The following PPP2R2C variants were observed in gnomAD, a reference collection of about 807,000 sequenced individuals.
PPP2R2C encodes protein phosphatase 2 regulatory subunit Bgamma.
Under a neutral mutation model 45.3 loss-of-function variants are expected in PPP2R2C, and 10 were observed. That is an observed-to-expected ratio of 0.22 (90% CI 0.14 to 0.37). The LOEUF (loss-of-function observed/expected upper bound fraction) is 0.37, where lower values mean the gene tolerates loss of function less well. PPP2R2C is among the 10% of genes least tolerant of loss of function. The pLI, the probability that PPP2R2C is intolerant of heterozygous loss-of-function variation, is 1.00. For synonymous variants in PPP2R2C, 257 were observed against 245.4 expected (o/e 1.05, Z -0.44); for missense variants, 308 against 619.7 (o/e 0.50, Z 5.34).
intron 1 of PPP2R2C, among the ~76,000 whole-genome samples, chr4:6,466,794 T>C (rs1413610863): frequency 6.6e-6 from 1 of 152,176 alleles, no homozygotes; most frequent in Non-Finnish European, 1.5e-5. Context: ...AAAATTTTAT[T>C]AGAATTTGAT....
chr4:6,411,859 T>G (rs1277298802), intron 1 of PPP2R2C, among the ~76,000 whole-genome samples: 1 of 152,246 alleles, frequency 6.6e-6, no homozygotes, highest in African/African-American at 2.4e-5. Flanking sequence ...GCCTCCACCC[T>G]GACTTTTCTA....
intron 1 of PPP2R2C, chr4:6,381,540 C>T (rs1715797264): frequency 2.1e-6 from 3 of 1,402,864 alleles, no homozygotes; most frequent in Non-Finnish European, 2.8e-6. Context: ...GCAAGGCAAC[C>T]CTCTGCTAGG....
rs550331338 is a variant in PPP2R2C at position 6,561,330 on chromosome 4, A to T, written c.-59+2230T>A. Among the ~76,000 whole-genome samples the T allele has an allele frequency of 3.5e-3, 540 of 152,236 alleles. 5 individuals carry two copies. Among genetic ancestry groups the T allele is most frequent in the African/African-American group, 0.013 (522 of 41,528 alleles). On this transcript the variant is annotated intron_variant, in intron 1 of 9. Coordinates refer to the PPP2R2C transcript ENST00000506140. ...ACGATGTTACACAGGAAATAAAACCACCATGACAGGCGGAGAGAGAGTGCA... is the reference window on the plus strand; with the variant it reads ...ACGATGTTACACAGGAAATAAAACCTCCATGACAGGCGGAGAGAGAGTGCA...
At chr4:6,377,720 G>A (rs889003311) in intron 3 of PPP2R2C, among the ~76,000 whole-genome samples, 10 of 152,148 alleles carry the variant, frequency 6.6e-5, no homozygotes, top group African/African-American at 1.9e-4. Context: ...GCCTGGGTCC[G>A]CAGGGGGCCC....
At chr4:6,510,159 G>A (rs1028145697) in intron 2 of PPP2R2C, among the ~76,000 whole-genome samples, 2 of 152,102 alleles carry the variant, frequency 1.3e-5, no homozygotes, top group African/African-American at 4.8e-5. Context: ...CCACCCACCT[G>A]CTTCAAATCC....
At chr4:6,518,365 G>A (rs1026110916) in intron 2 of PPP2R2C, among the ~76,000 whole-genome samples, 12 of 152,048 alleles carry the variant, frequency 7.9e-5, no homozygotes, top group Non-Finnish European at 7.4e-5. Flanking sequence ...ATCAAAAACT[G>A]GTTCTTTGAA....
At chr4:6,534,021 AAC>A (rs1378135686) in intron 2 of PPP2R2C, among the ~76,000 whole-genome samples, 2 of 141,704 alleles carry the variant, frequency 1.4e-5, no homozygotes, top group Non-Finnish European at 1.6e-5. Context: ...CACACACCCC[AAC>A]ACACACATGT....
intron 1 of PPP2R2C, among the ~76,000 whole-genome samples, chr4:6,438,046 G>T (rs1719977878): frequency 6.6e-6 from 1 of 152,140 alleles, no homozygotes; most frequent in African/African-American, 2.4e-5. Context: ...TGGTTTCATG[G>T]GTCTTTGCCA....
chr4:6,485,755 C>G (rs73207871), intron 2 of PPP2R2C, among the ~76,000 whole-genome samples: 16,736 of 151,890 alleles, frequency 0.11, 1,024 homozygotes, highest in Non-Finnish European at 0.14. Flanking sequence ...TATCTTCTCT[C>G]TTATTGTCCT....
intron 1 of PPP2R2C, among the ~76,000 whole-genome samples, chr4:6,427,099 A>C (rs1415394683): frequency 6.6e-6 from 1 of 152,220 alleles, no homozygotes; most frequent in Non-Finnish European, 1.5e-5. Context: ...ATGTGTACCA[A>C]GGGGAGCAAG....
rs1712491299 is a variant in PPP2R2C, at chr4:6,350,905, C to G, written c.626-2895G>C. ...AAGTGGGTGTTTGAGGCCTTGGAGA[C>G]CTTCAGGTTGTTTGCTACCACTGCA... On this transcript the variant is annotated intron_variant, in intron 5 of 8. Transcript: ENST00000382599. The G allele has an allele frequency of 4.1e-6, 4 of 985,354 alleles. No individual in the cohort carries two copies. In the South Asian group the frequency reaches 1.9e-4, roughly 46 times the overall value. The allele number at this position is 985,354 out of a possible 1,614,324, so 61.0% of individuals were successfully genotyped here.
chr4:6,493,197 C>T (rs930409428), intron 2 of PPP2R2C, among the ~76,000 whole-genome samples: 5 of 152,108 alleles, frequency 3.3e-5, no homozygotes, highest in East Asian at 1.9e-4. Flanking sequence ...GCAACCAGCA[C>T]GCCTGCCATC....
chr4:6,534,754 G>A (rs549059012), intron 2 of PPP2R2C, among the ~76,000 whole-genome samples: 75 of 152,224 alleles, frequency 4.9e-4, no homozygotes, highest in Admixed American at 1.5e-3. Flanking sequence ...CCCCGCCTCC[G>A]CATGGCTGCC....
chr4:6,454,099 G>T (rs1336737399), intron 1 of PPP2R2C, among the ~76,000 whole-genome samples: 1 of 152,194 alleles, frequency 6.6e-6, no homozygotes, highest in Non-Finnish European at 1.5e-5. Flanking sequence ...TTCTTCCTGT[G>T]ACTGTTCAGG....
intron 1 of PPP2R2C, among the ~76,000 whole-genome samples, chr4:6,545,338 T>G (rs28555652): frequency 6.6e-6 from 1 of 152,116 alleles, no homozygotes; most frequent in Non-Finnish European, 1.5e-5. Flanking sequence ...TTAATTTACC[T>G]CCACTAACAA....
At chr4:6,539,192 T>C (rs939713900) in intron 1 of PPP2R2C, among the ~76,000 whole-genome samples, 1 of 149,536 alleles carries the variant, frequency 6.7e-6, no homozygotes, top group Non-Finnish European at 1.5e-5. Flanking sequence ...CACACACACA[T>C]AGGGAGAGTG....
chr4:6,470,928 C>A (rs1721838115), intron 1 of PPP2R2C, among the ~76,000 whole-genome samples: 1 of 151,664 alleles, frequency 6.6e-6, no homozygotes, highest in African/African-American at 2.4e-5. Flanking sequence ...CCAGCCTCTG[C>A]CTCCCGGGCC....
intron 5 of PPP2R2C, among the ~76,000 whole-genome samples, chr4:6,366,106 G>A (rs1174370583): frequency 6.6e-6 from 1 of 152,226 alleles, no homozygotes; most frequent in African/African-American, 2.4e-5. Context: ...AATGTTTGAA[G>A]GGCTGTTGTT....
intron 1 of PPP2R2C, among the ~76,000 whole-genome samples, chr4:6,425,972 A>G (rs996334290): frequency 6.6e-6 from 1 of 152,064 alleles, no homozygotes; most frequent in Non-Finnish European, 1.5e-5. Context: ...GTCCATCAGT[A>G]CCGGGCCAGG....
Sources: gnomAD v4.1 joint callset for allele counts (sites outside exome capture counted in the v4.1 genomes callset) on GRCh38, gnomAD v4.1.1 for gene constraint, MANE v1.5 for transcripts, NCBI Gene and HGNC (gene_info 2026-07-23, HGNC 2026-07-21) for gene names.